The following KCNN2 variants were observed in gnomAD, a reference collection of about 807,000 sequenced individuals.
KCNN2 encodes potassium calcium-activated channel subfamily N member 2.
Under a neutral mutation model 55.5 loss-of-function variants are expected in KCNN2, and 24 were observed. The observed-to-expected ratio is 0.43, with a 90% CI of 0.31 to 0.61. KCNN2 has a LOEUF of 0.61. Among genes scored for constraint, KCNN2 ranks in the 20% least tolerant of loss-of-function variants. The pLI is 0.08. For synonymous variants in KCNN2, 431 were observed against 336.1 expected, an observed-to-expected ratio of 1.28 and a Z score of -3.09; for missense variants, 754 against 853.6, an observed-to-expected ratio of 0.88 and a Z score of 1.45.
At chr5:114,088,685 T>C (rs1751070003) in intron 1 of KCNN2, among the ~76,000 whole-genome samples, 1 of 152,182 alleles carries the variant, frequency 6.6e-6, no homozygotes, top group Non-Finnish European at 1.5e-5. Context: ...AGTGGTATAG[T>C]CTCAGCTCAC....
chr5:114,238,763 C>T (rs59709139), intron 2 of KCNN2, among the ~76,000 whole-genome samples: 4,956 of 152,238 alleles, frequency 0.033, 92 homozygotes, highest in Non-Finnish European at 0.045. Flanking sequence ...AACCTATGTC[C>T]TATCAGCCTG....
intron 3 of KCNN2, among the ~76,000 whole-genome samples, chr5:114,444,101 T>C (rs1180934221): frequency 6.6e-6 from 1 of 152,196 alleles, no homozygotes; most frequent in Non-Finnish European, 1.5e-5. Context: ...CTCTGTCTTC[T>C]CATCACTAGA....
At chr5:114,415,322 G>C (rs1759271599) in intron 3 of KCNN2, among the ~76,000 whole-genome samples, 1 of 152,158 alleles carries the variant, frequency 6.6e-6, no homozygotes, top group Non-Finnish European at 1.5e-5. Flanking sequence ...TCTCCTCTTA[G>C]GTAGCCATCT....
chr5:114,144,842 T>TG (rs1339876664), intron 1 of KCNN2, among the ~76,000 whole-genome samples: 22 of 112,314 alleles, frequency 2.0e-4, no homozygotes, highest in Non-Finnish European at 3.5e-4. Flanking sequence ...TGAGAGGTGG[T>TG]GGGGGGACAT....
intron 2 of KCNN2, among the ~76,000 whole-genome samples, chr5:114,242,583 G>T (rs915851414): frequency 1.6e-4 from 25 of 152,234 alleles, no homozygotes; most frequent in African/African-American, 5.5e-4. Flanking sequence ...GGGAAGACCA[G>T]TGTTCTATGT....
intron 1 of KCNN2, among the ~76,000 whole-genome samples, chr5:114,197,941 A>C (rs928988214): frequency 1.3e-5 from 2 of 152,152 alleles, no homozygotes; most frequent in African/African-American, 2.4e-5. Flanking sequence ...CATTTAGGAC[A>C]ATTTCCAGGG....
chr5:114,311,993 C>A (rs1285003899), intron 2 of KCNN2, among the ~76,000 whole-genome samples: 1 of 152,074 alleles, frequency 6.6e-6, no homozygotes, highest in Non-Finnish European at 1.5e-5. Context: ...AAATCCAAAC[C>A]TCACTATGAA....
chr5:114,405,908 C>T (rs146043201), intron 3 of KCNN2, among the ~76,000 whole-genome samples: 9 of 151,906 alleles, frequency 5.9e-5, no homozygotes, highest in African/African-American at 2.2e-4. Context: ...GACGGGGTTT[C>T]ACCGTGTTAG....
intron 2 of KCNN2, among the ~76,000 whole-genome samples, chr5:114,309,242 C>A (rs1477457777): frequency 6.6e-6 from 1 of 152,130 alleles, no homozygotes; most frequent in Non-Finnish European, 1.5e-5. Context: ...AAAATTGGGA[C>A]AGTATTTTTC....
At chr5:114,381,589 A>T (rs1375639892) in intron 2 of KCNN2, among the ~76,000 whole-genome samples, 1 of 152,220 alleles carries the variant, frequency 6.6e-6, no homozygotes, top group African/African-American at 2.4e-5. Context: ...GGATCACAGC[A>T]TGTCCTACTG....
chr5:114,243,247 A>G (rs993001666), intron 2 of KCNN2, among the ~76,000 whole-genome samples: 21 of 152,118 alleles, frequency 1.4e-4, no homozygotes, highest in African/African-American at 4.8e-4. Context: ...ATTTGATCTC[A>G]ACTAACCTGT....
rs1416424857 is a variant in KCNN2, at chr5:114,473,158, T to G, written c.1884T>G (p.Thr628=). 4 of 1,571,492 alleles carry G rather than the reference T, an allele frequency of 2.5e-6. No individual in the cohort carries two copies. Among genetic ancestry groups the G allele is most frequent in the African/African-American group, 2.7e-5 (2 of 74,104 alleles). ...VHNFMMDTQL[T]KRVKNAAANV... ...ATTTCATGATGGATACTCAGCTGAC[T>G]AAAAGAGTAAGTTACTATCCATATA... The change falls in exon 5 of 8, where the codon ACT becomes ACG. Residue 628 remains threonine (T), a synonymous_variant. Coordinates refer to ENST00000673685, the MANE Select transcript of KCNN2 (RefSeq NM_021614.4).
At chr5:114,275,533 A>C (rs1755467012) in intron 2 of KCNN2, among the ~76,000 whole-genome samples, 1 of 151,966 alleles carries the variant, frequency 6.6e-6, no homozygotes, top group Non-Finnish European at 1.5e-5. Flanking sequence ...GTCTATTCAG[A>C]GATTCAACTT....
rs116745516 is a variant in KCNN2, at chr5:114,067,536, A to G, written c.-271+11036A>G. On this transcript the variant is annotated intron_variant, in intron 1 of 10. Coordinates refer to the KCNN2 transcript ENST00000512097. ...TTAAATATTTTGTTTTTAAATACCTATCATAGCTAAATTTGGTATTTTTAT... is the reference window on the plus strand; with the variant it reads ...TTAAATATTTTGTTTTTAAATACCTGTCATAGCTAAATTTGGTATTTTTAT... Among the ~76,000 whole-genome samples the G allele has an allele frequency of 4.4e-3, 663 of 152,338 alleles. 8 individuals are homozygous for G. Among genetic ancestry groups the G allele is most frequent in the African/African-American group, 0.015 (630 of 41,578 alleles).
intron 2 of KCNN2, among the ~76,000 whole-genome samples, chr5:114,342,772 A>G (rs1038573989): frequency 2.0e-5 from 3 of 152,216 alleles, no homozygotes; most frequent in African/African-American, 7.2e-5. Flanking sequence ...ATCAAAACAC[A>G]TATTAGCCTC....
intron 1 of KCNN2, among the ~76,000 whole-genome samples, chr5:114,163,677 C>G (rs1223014034): frequency 1.3e-5 from 2 of 152,104 alleles, no homozygotes; most frequent in African/African-American, 2.4e-5. Context: ...CTTGCCCTCT[C>G]TGGTGTTCCT....
chr5:114,336,312 A>C (rs946790606), intron 2 of KCNN2, among the ~76,000 whole-genome samples: 1 of 152,258 alleles, frequency 6.6e-6, no homozygotes, highest in African/African-American at 2.4e-5. Flanking sequence ...TGATTTGTTC[A>C]GGAAAGCAGA....
chr5:114,104,596 G>A (rs17136269), intron 1 of KCNN2, among the ~76,000 whole-genome samples: 7,087 of 152,044 alleles, frequency 0.047, 546 homozygotes, highest in African/African-American at 0.16. Context: ...ATATAAACTA[G>A]TTGACAAGAC....
At chr5:114,056,509 GC>G (rs1259871755) in intron 1 of KCNN2, 4 of 398,200 alleles carry the variant, frequency 1.0e-5, no homozygotes, top group Non-Finnish European at 1.8e-5. Flanking sequence ...AGGTAAGGTC[GC>G]GACTAAGGTG....
Sources: gnomAD v4.1 joint callset for allele counts (sites outside exome capture counted in the v4.1 genomes callset) on GRCh38, gnomAD v4.1.1 for gene constraint, MANE v1.5 for transcripts, NCBI Gene and HGNC (gene_info 2026-07-23, HGNC 2026-07-21) for gene names.